Variants in PGGT1B observed in about 807,000 individuals in gnomAD.
PGGT1B encodes protein geranylgeranyltransferase type I subunit beta.
In PGGT1B, 30 loss-of-function variants were observed where a neutral mutation model predicts 46.1. That is an observed-to-expected ratio of 0.65 (90% CI 0.49 to 0.88). The LOEUF (loss-of-function observed/expected upper bound fraction) is 0.88. PGGT1B is among the 40% of genes least tolerant of loss of function. The probability of loss-of-function intolerance (pLI) is 0.00; values close to 1 mark genes in which losing one functional copy is unlikely to be tolerated. For missense variants in PGGT1B, 376 were observed against 455.9 expected (o/e 0.82, Z 1.60); for synonymous variants, 170 against 160.0 (o/e 1.06, Z -0.47).
Position 115,212,211 on chromosome 5 carries a change from T to A in PGGT1B, c.*191A>T. The A allele has an allele frequency of 1.9e-6, 2 of 1,070,430 alleles. No homozygotes were observed. The highest frequency in any genetic ancestry group is 2.6e-6 in the Non-Finnish European group (2 of 781,694). 66.3% of individuals were successfully genotyped at this position (1,070,430 alleles called of 1,614,324 possible). On this transcript the variant is annotated 3_prime_UTR_variant, in exon 9 of 9. Transcript: ENST00000419445. ...ACCACGACAAAGTTGTGGTTCAAAC[T>A]TCAACAAAGATTTTCTTGAAACCCA...
chr5:115,206,691 T>G lies in PGGT1B; in HGVS notation c.*5711A>C, dbSNP rs140739048. 4 of 152,206 alleles carry G rather than the reference T, an allele frequency of 2.6e-5. 1 individual carries two copies. The East Asian group carries it at 7.7e-4, about 29-fold the overall frequency. 9.4% of individuals were successfully genotyped at this position (152,206 alleles called of 1,614,324 possible). On this transcript the variant is annotated 3_prime_UTR_variant, in exon 9 of 9. Transcript: ENST00000419445. Reference sequence around the variant, plus strand: ...CTTATTTTTCACAATTACAAAAATGTGGCTGTGAGATCCTTGAAAATGTAT... The same window carrying G: ...CTTATTTTTCACAATTACAAAAATGGGGCTGTGAGATCCTTGAAAATGTAT...
In PGGT1B at chr5:115,205,973, G is replaced by C. The variant is rs189462479; in HGVS notation, c.*6429C>G. 7.9e-5 allele frequency: 12 copies of C among 151,812 alleles called. No homozygotes were observed. The East Asian group carries it at 2.3e-3, about 29-fold the overall frequency. The allele number at this position is 151,812 out of a possible 1,614,324, so 9.4% of individuals were successfully genotyped here. A position where few individuals can be genotyped will look rare whatever the true frequency, so the allele number is the denominator to read the frequency against. On this transcript the variant is annotated 3_prime_UTR_variant, in exon 9 of 9. Coordinates refer to ENST00000419445, the MANE Select transcript of PGGT1B (RefSeq NM_005023.4). ...TCATTTGCCATTAAAATGGTAAAAA[G>C]TGCAATTACTTATGCACTGACCTAA...
At chr5:115,246,221 T>C (rs1022748618) in intron 2 of PGGT1B, among the ~76,000 whole-genome samples, 2 of 152,078 alleles carry the variant, frequency 1.3e-5, no homozygotes, top group Non-Finnish European at 2.9e-5. Flanking sequence ...CCGGGTGTGG[T>C]GGAGCACACC....
At chr5:115,260,026 A>T (rs932381961) in intron 1 of PGGT1B, among the ~76,000 whole-genome samples, 1 of 152,192 alleles carries the variant, frequency 6.6e-6, no homozygotes, top group African/African-American at 2.4e-5. Context: ...GAAACCTGGT[A>T]ATTGATAAAG....
intron 6 of PGGT1B, among the ~76,000 whole-genome samples, chr5:115,225,572 G>A (rs1165732119): frequency 6.6e-6 from 1 of 151,898 alleles, no homozygotes; most frequent in African/African-American, 2.4e-5. Flanking sequence ...TATAGCTAAA[G>A]TAGAAAACTA....
chr5:115,228,268 T>C (rs774476736), intron 6 of PGGT1B, among the ~76,000 whole-genome samples: 4 of 152,150 alleles, frequency 2.6e-5, no homozygotes, highest in African/African-American at 9.7e-5. Context: ...TAAAGAACCA[T>C]CTGTTAGTTT....
intron 5 of PGGT1B, chr5:115,231,713 T>C (rs1394371323): frequency 1.3e-5 from 2 of 152,034 alleles, no homozygotes; most frequent in African/African-American, 4.8e-5. Context: ...CTAAAATCAC[T>C]GCCTAAGAGA....
intron 2 of PGGT1B, among the ~76,000 whole-genome samples, chr5:115,252,598 A>G (rs1006333294): frequency 1.3e-5 from 2 of 152,078 alleles, no homozygotes. Context: ...GCAGTTGATT[A>G]CGTAATTTAT....
At chr5:115,226,161 A>G (rs1442116686) in intron 6 of PGGT1B, among the ~76,000 whole-genome samples, 2 of 152,050 alleles carry the variant, frequency 1.3e-5, no homozygotes, top group African/African-American at 4.8e-5. Context: ...CAAAAGGAAC[A>G]TTTTACCCTA....
intron 2 of PGGT1B, among the ~76,000 whole-genome samples, chr5:115,244,021 CAT>C (rs1561482001): frequency 6.6e-6 from 1 of 152,164 alleles, no homozygotes; most frequent in Non-Finnish European, 1.5e-5. Flanking sequence ...CACCTGTACA[CAT>C]GTCACCTATG....
chr5:115,258,916 G>C (rs59955726), intron 1 of PGGT1B, among the ~76,000 whole-genome samples: 2,035 of 152,264 alleles, frequency 0.013, 47 homozygotes, highest in African/African-American at 0.046. Context: ...CAACACCGCA[G>C]CTCTTTCGCC....
intron 5 of PGGT1B, 50 bp from the exon 6 acceptor site, chr5:115,231,071 T>A: frequency 2.1e-6 from 2 of 935,376 alleles, no homozygotes; most frequent in South Asian, 3.7e-5. Flanking sequence ...ATAATAATAA[T>A]AAATGAATAA....
Position 115,207,193 on chromosome 5 carries a change from A to ATAGTCTTGTTACTATATATACATAC in PGGT1B, c.*5208_*5209insGTATGTATATATAGTAACAAGACTA, listed in dbSNP as rs1756092046. ...TGCATATACATACATATATATATATATATATATATATATAGTCTTGTTACT... is the reference window on the plus strand; with the variant it reads ...TGCATATACATACATATATATATATATAGTCTTGTTACTATATATACATACTATATATATATATAGTCTTGTTACT... On this transcript the variant is annotated 3_prime_UTR_variant, in exon 9 of 9. Transcript: ENST00000419445. 8.8e-6 allele frequency: 1 copy of ATAGTCTTGTTACTATATATACATAC among 113,280 alleles called. No individual in the cohort carries two copies. The highest frequency in any genetic ancestry group is 1.8e-5 in the Non-Finnish European group (1 of 55,618). 7.0% of individuals were successfully genotyped at this position (113,280 alleles called of 1,614,324 possible).
chr5:115,241,331 C>T (rs769212007), intron 3 of PGGT1B, among the ~76,000 whole-genome samples: 3 of 152,040 alleles, frequency 2.0e-5, no homozygotes, highest in African/African-American at 4.8e-5. Flanking sequence ...GTATTCTTCC[C>T]GGAAGAAAGT....
intron 6 of PGGT1B, among the ~76,000 whole-genome samples, chr5:115,228,969 A>G (rs954411060): frequency 4.6e-5 from 7 of 152,200 alleles, no homozygotes; most frequent in Admixed American, 1.3e-4. Flanking sequence ...TGAATAGTAC[A>G]TTTGGAACAC....
chr5:115,257,917 T>C (rs760621166), intron 1 of PGGT1B, among the ~76,000 whole-genome samples: 1 of 152,214 alleles, frequency 6.6e-6, no homozygotes, highest in Non-Finnish European at 1.5e-5. Flanking sequence ...TACTAGCACA[T>C]AGATGCTGCC....
chr5:115,238,085 G>A (rs1757238957), intron 3 of PGGT1B, 76 bp from the exon 4 acceptor site: 12 of 1,066,912 alleles, frequency 1.1e-5, no homozygotes, highest in Non-Finnish European at 1.6e-5. Context: ...CTGACATAAG[G>A]TTTTAGTAAA....
chr5:115,229,316 A>G (rs1044748422), intron 6 of PGGT1B, among the ~76,000 whole-genome samples: 4 of 152,140 alleles, frequency 2.6e-5, no homozygotes, highest in African/African-American at 9.7e-5. Flanking sequence ...CTTTGGTATA[A>G]TAACCTATTT....
At chr5:115,244,779 C>T (rs1389987441) in intron 2 of PGGT1B, among the ~76,000 whole-genome samples, 6 of 151,572 alleles carry the variant, frequency 4.0e-5, no homozygotes, top group Admixed American at 1.3e-4. Context: ...TTAGTAGAGA[C>T]GGGGTTTCAT....
Sources: allele counts gnomAD v4.1 joint callset (sites outside exome capture counted in the v4.1 genomes callset), GRCh38; gene constraint gnomAD v4.1.1; transcripts MANE v1.5; gene names NCBI Gene and HGNC (gene_info 2026-07-23, HGNC 2026-07-21).